Variants in STS observed in about 807,000 individuals in gnomAD.
STS encodes steryl-sulfatase.
STS carries 7 observed loss-of-function variants against 26.8 expected under a neutral mutation model. That is an observed-to-expected ratio of 0.26 (90% CI 0.15 to 0.49). STS has a LOEUF of 0.49. Among genes scored for constraint, STS ranks in the 20% least tolerant of loss-of-function variants. The pLI is 0.98. For missense variants in STS, 434 were observed against 465.6 expected (o/e 0.93, Z 0.63); for synonymous variants, 199 against 189.4 (o/e 1.05, Z -0.42).
chrX:7,324,170 G>T (rs900821638), intron 8 of STS, among the ~76,000 whole-genome samples: 1 of 109,925 alleles, frequency 9.1e-6, no homozygotes, highest in African/African-American at 3.3e-5. Context: ...AAAATCGGGG[G>T]GTGGGGGGTG....
chrX:7,186,934 C>T (rs1933783216), intron 1 of STS, among the ~76,000 whole-genome samples: 1 of 111,390 alleles, frequency 9.0e-6, no homozygotes, highest in Admixed American at 9.5e-5. Context: ...TTGAGCAGCA[C>T]AGCTGTTGCA....
At chrX:7,151,149 C>G (rs1193278666) in intron 1 of STS, among the ~76,000 whole-genome samples, 4 of 112,294 alleles carry the variant, frequency 3.6e-5, no homozygotes, top group Non-Finnish European at 7.5e-5. Context: ...TGTAGGGAGT[C>G]TTAGCTTATT....
rs138774716 is a variant in STS, at chrX:7,204,685, C to G, written c.-5+13677C>G. Among the ~76,000 whole-genome samples, 451 of 101,416 alleles carry G rather than the reference C, an allele frequency of 4.4e-3. 6 individuals carry two copies. The East Asian group carries it at 0.059, about 13-fold the overall frequency. 88.1% of individuals were successfully genotyped at this position (101,416 alleles called of 115,157 possible). On this transcript the variant is annotated intron_variant, in intron 2 of 10. Transcript: ENST00000674429. ...TCCTCCTTCCTTTTTTCCTCCTCAC[C>G]TTTTCTCTCTCTCCTTCTTTCATTC...
intron 10 of STS, among the ~76,000 whole-genome samples, chrX:7,343,080 C>A (rs949855590): frequency 9.0e-6 from 1 of 111,134 alleles, no homozygotes; most frequent in African/African-American, 3.3e-5. Context: ...TGAAATGGTT[C>A]TTGAAGAACT....
At chrX:7,339,121 G>T (rs960629453) in intron 10 of STS, among the ~76,000 whole-genome samples, 3 of 111,719 alleles carry the variant, frequency 2.7e-5, no homozygotes, top group Non-Finnish European at 5.6e-5. Flanking sequence ...CCTAATAAAA[G>T]AGAAGAAATT....
At chrX:7,242,669 T>C (rs1387843887) in intron 2 of STS, among the ~76,000 whole-genome samples, 4 of 112,043 alleles carry the variant, frequency 3.6e-5, no homozygotes, top group Non-Finnish European at 7.5e-5. Flanking sequence ...AAATAATACT[T>C]GTAAGGTATT....
intron 8 of STS, among the ~76,000 whole-genome samples, chrX:7,314,135 G>T (rs1016243901): frequency 9.0e-6 from 1 of 111,585 alleles, no homozygotes; most frequent in African/African-American, 3.3e-5. Flanking sequence ...CAGAAGGATC[G>T]CTTGAGCCCA....
chrX:7,164,049 C>A (rs1203413034), intron 1 of STS, among the ~76,000 whole-genome samples: 1 of 111,274 alleles, frequency 9.0e-6, no homozygotes, highest in Non-Finnish European at 1.9e-5. Flanking sequence ...GTCTTAAACT[C>A]CTGACCTCAG....
At chrX:7,258,009 GGGATGGATGGATGGAT>G (rs36138671) in intron 5 of STS, among the ~76,000 whole-genome samples, 41 of 100,594 alleles carry the variant, frequency 4.1e-4, no homozygotes, top group African/African-American at 1.5e-3. Context: ...TGAGATAGAT[GGGATGGATGGATGGAT>G]GGATGGATGG....
intron 2 of STS, among the ~76,000 whole-genome samples, chrX:7,250,246 T>C (rs928528581): frequency 9.0e-6 from 1 of 110,787 alleles, no homozygotes; most frequent in Admixed American, 9.7e-5. Flanking sequence ...TGAGTCTTTG[T>C]TTCTCCATCT....
At chrX:7,339,469 C>A (rs1284054261) in intron 10 of STS, among the ~76,000 whole-genome samples, 1 of 112,392 alleles carries the variant, frequency 8.9e-6, no homozygotes, top group African/African-American at 3.2e-5. Flanking sequence ...GATTTATTTT[C>A]TCTGTGAACA....
chrX:7,324,112 A>T (rs949341180), intron 8 of STS, among the ~76,000 whole-genome samples: 2 of 110,439 alleles, frequency 1.8e-5, no homozygotes, highest in Non-Finnish European at 3.8e-5. Context: ...AGCATTAGTC[A>T]ATATATGTAA....
rs190070958 is a variant in STS, at chrX:7,332,569, G to C, written c.1242-1417G>C. ...GAAGGATAGAAATCCTCTGTCCCTC[G>C]TCTCTCCCCTTCAGGTCACTTTTCA... is the stretch of plus-strand genomic sequence containing the variant. On this transcript the variant is annotated intron_variant, in intron 9 of 10. Coordinates refer to ENST00000674429, the MANE Select transcript of STS (RefSeq NM_001320752.2). Among the ~76,000 whole-genome samples, 592 of 110,733 alleles carry C rather than the reference G, an allele frequency of 5.3e-3. 1 individual carries two copies. The highest frequency in any genetic ancestry group is 8.3e-3 in the Non-Finnish European group (442 of 52,965).
intron 7 of STS, among the ~76,000 whole-genome samples, chrX:7,282,366 A>G (rs1246322284): frequency 1.8e-5 from 2 of 111,553 alleles, no homozygotes; most frequent in East Asian, 5.6e-4. Context: ...AAGCCCAGCT[A>G]ATAATTTTAT....
At chrX:7,182,543 C>T (rs1252084565) in intron 1 of STS, among the ~76,000 whole-genome samples, 3 of 110,365 alleles carry the variant, frequency 2.7e-5, no homozygotes, top group African/African-American at 9.9e-5. Context: ...GTTATTGGAG[C>T]GATTGGTGGA....
chrX:7,324,190 C>A (rs1288618866), intron 8 of STS, among the ~76,000 whole-genome samples: 2 of 110,217 alleles, frequency 1.8e-5, no homozygotes, highest in African/African-American at 6.6e-5. Flanking sequence ...GAGGAGGCTT[C>A]AGGTCATAGG....
chrX:7,351,737 A>T lies in STS; in HGVS notation c.*1476A>T, dbSNP rs1278466439. 1 of 110,693 alleles carries T rather than the reference A, an allele frequency of 9.0e-6. No individual in the cohort carries two copies. Among genetic ancestry groups the T allele is most frequent in the African/African-American group, 3.3e-5 (1 of 30,352 alleles). The allele number at this position is 110,693 out of a possible 1,213,427, so 9.1% of individuals were successfully genotyped here. On this transcript the variant is annotated 3_prime_UTR_variant, in exon 11 of 11. Transcript: ENST00000674429. ...CCCATGAATGGGACACCTGTAATGT[A>T]ACCCACACAGCGGTTTGCAGAGAAT... is the stretch of plus-strand genomic sequence containing the variant.
intron 7 of STS, among the ~76,000 whole-genome samples, chrX:7,297,038 A>T (rs1291938959): frequency 1.8e-5 from 2 of 112,137 alleles, no homozygotes; most frequent in South Asian, 7.4e-4. Context: ...TACCCTAATA[A>T]TTCCGATTAT....
At chrX:7,250,679 C>T (rs983264737) in intron 2 of STS, among the ~76,000 whole-genome samples, 2 of 112,316 alleles carry the variant, frequency 1.8e-5, no homozygotes, top group African/African-American at 3.2e-5. Context: ...GTGCTTTTTA[C>T]ATTCATGATA....
Sources: allele counts gnomAD v4.1 joint callset (sites outside exome capture counted in the v4.1 genomes callset), GRCh38; gene constraint gnomAD v4.1.1; transcripts MANE v1.5; gene names NCBI Gene and HGNC (gene_info 2026-07-23, HGNC 2026-07-21).